The following XRCC5 variants were observed in gnomAD, a reference collection of about 807,000 sequenced individuals.
XRCC5 encodes X-ray repair cross complementing 5, also known as DNA repair protein Ku80.
In XRCC5, 12 loss-of-function variants were observed where a neutral mutation model predicts 95.7. The ratio of observed to expected loss-of-function variants is 0.13; its 90% CI spans 0.08 to 0.20. The LOEUF (loss-of-function observed/expected upper bound fraction) is 0.20. XRCC5 is among the 10% of genes least tolerant of loss of function. The pLI is 1.00. For synonymous variants in XRCC5, 281 were observed against 290.3 expected, an observed-to-expected ratio of 0.97 and a Z score of 0.33; for missense variants, 595 against 873.9, an observed-to-expected ratio of 0.68 and a Z score of 4.02.
intron 16 of XRCC5, among the ~76,000 whole-genome samples, chr2:216,189,795 A>G (rs946303652): frequency 2.6e-5 from 4 of 152,198 alleles, no homozygotes; most frequent in Non-Finnish European, 5.9e-5. Flanking sequence ...CTGTTCGACA[A>G]TTATCCTGAG....
chr2:216,174,382 T>C (rs1281437401), intron 16 of XRCC5, among the ~76,000 whole-genome samples: 1 of 152,244 alleles, frequency 6.6e-6, no homozygotes, highest in Non-Finnish European at 1.5e-5. Context: ...TGTTTCTTTA[T>C]AGTTAACTTT....
At chr2:216,165,128 A>T (rs1197348073) in intron 16 of XRCC5, among the ~76,000 whole-genome samples, 2 of 152,178 alleles carry the variant, frequency 1.3e-5, no homozygotes, top group East Asian at 1.9e-4. Flanking sequence ...ATTCAAACAC[A>T]TGTCTCTTTC....
intron 8 of XRCC5, among the ~76,000 whole-genome samples, chr2:216,130,125 A>T (rs1318896643): frequency 6.6e-6 from 1 of 152,246 alleles, no homozygotes; most frequent in East Asian, 1.9e-4. Flanking sequence ...CATTTGTCCA[A>T]GGCCAGAATC....
intron 16 of XRCC5, chr2:216,175,356 A>G (rs1282608093): frequency 2.1e-6 from 1 of 475,740 alleles, no homozygotes; most frequent in African/African-American, 2.0e-5. Context: ...CCACTTCCAG[A>G]GTTTCCTCCA....
intron 19 of XRCC5, 124 bp from the exon 20 acceptor site, chr2:216,204,198 C>T (rs561527946): frequency 1.2e-5 from 13 of 1,084,152 alleles, no homozygotes; most frequent in African/African-American, 1.1e-4. Flanking sequence ...TCTTTTGGGC[C>T]GTTGGCAGTG....
chr2:216,137,323 C>G, intron 11 of XRCC5, 98 bp downstream of exon 11: 1 of 1,371,742 alleles, frequency 7.3e-7, no homozygotes, highest in Non-Finnish European at 9.7e-7. Context: ...ACTTGGGGAT[C>G]TTGTTAAAAT....
intron 19 of XRCC5, 86 bp downstream of exon 19, chr2:216,195,072 G>A: frequency 7.8e-7 from 1 of 1,284,404 alleles, no homozygotes; most frequent in Non-Finnish European, 1.1e-6. Flanking sequence ...TAAATTTTAT[G>A]GGTAACTAAA....
intron 1 of XRCC5, among the ~76,000 whole-genome samples, chr2:216,111,145 C>T (rs1464318153): frequency 6.6e-6 from 1 of 152,112 alleles, no homozygotes. Context: ...CGTATGGAGT[C>T]GCATCAGTCT....
chr2:216,199,794 C>T (rs1422240836), intron 19 of XRCC5, among the ~76,000 whole-genome samples: 2 of 149,324 alleles, frequency 1.3e-5, no homozygotes, highest in Non-Finnish European at 3.0e-5. Flanking sequence ...AGGATTTATC[C>T]CCATGGCATT....
In XRCC5 at chr2:216,146,948, A is replaced by G. The variant is rs367805379; in HGVS notation, c.1477-1135A>G. On this transcript the variant is annotated intron_variant, in intron 13 of 20. Transcript: ENST00000392132. ...TGGTGCTTAGAATTCATTCAGCAGT[A>G]AAGAAGAGAAGAGCCCTACTTGTAA... Among the ~76,000 whole-genome samples, 8 of 152,220 alleles carry G rather than the reference A, an allele frequency of 5.3e-5. No individual in the cohort carries two copies. In the East Asian group the frequency reaches 5.8e-4, roughly 11 times the overall value.
chr2:216,165,672 G>A (rs1466721116), intron 16 of XRCC5, among the ~76,000 whole-genome samples: 1 of 152,188 alleles, frequency 6.6e-6, no homozygotes, highest in African/African-American at 2.4e-5. Flanking sequence ...TCTGTCCAGA[G>A]TCGGGAGACA....
chr2:216,172,062 A>T (rs1416844763), intron 16 of XRCC5, among the ~76,000 whole-genome samples: 1 of 152,214 alleles, frequency 6.6e-6, no homozygotes, highest in Non-Finnish European at 1.5e-5. Flanking sequence ...TTGCAAGGTG[A>T]TGCTGGCCTA....
At position 216,141,244 on chromosome 2, in the gene XRCC5, T is replaced by G; in HGVS notation, c.1401T>G (p.Asp467Glu). The G allele has an allele frequency of 6.2e-7, 1 of 1,614,138 alleles. No individual in the cohort carries two copies. Among genetic ancestry groups the G allele is most frequent in the Non-Finnish European group, 8.5e-7 (1 of 1,180,002 alleles). Reference protein sequence around the residue: ...LIDSMSLAKKDEKTDTLEDLF... With the variant: ...LIDSMSLAKKEEKTDTLEDLF... ...ACTCCATGAGCTTGGCAAAGAAAGA[T>G]GAGAAGACAGACACCCTTGAAGACT... Residue 467 changes from aspartate to glutamate, a missense_variant, in exon 13 of 21, where the codon GAT (aspartate) becomes GAG (glutamate). Physicochemically the swap from Asp to Glu is conservative, Grantham distance 45. Around this residue, in one of 2 missense-constraint regions of XRCC5, gnomAD observed 309 missense variants for 382.9 expected, o/e 0.81. Transcript: ENST00000392132.
At chr2:216,144,200 C>T (rs1697216713) in intron 13 of XRCC5, among the ~76,000 whole-genome samples, 2 of 152,048 alleles carry the variant, frequency 1.3e-5, no homozygotes, top group South Asian at 2.1e-4. Context: ...AGAACAAAGG[C>T]GGTGCATGTG....
At chr2:216,203,730 A>G (rs775089139) in intron 19 of XRCC5, among the ~76,000 whole-genome samples, 1 of 152,238 alleles carries the variant, frequency 6.6e-6, no homozygotes, top group Non-Finnish European at 1.5e-5. Flanking sequence ...AAAGATTTCC[A>G]TAAAAGGAAT....
At chr2:216,194,302 A>G (rs1689676233) in intron 18 of XRCC5, among the ~76,000 whole-genome samples, 1 of 152,238 alleles carries the variant, frequency 6.6e-6, no homozygotes, top group Non-Finnish European at 1.5e-5. Flanking sequence ...ACAGTTTCCA[A>G]CAACCTATTG....
intron 16 of XRCC5, among the ~76,000 whole-genome samples, chr2:216,172,242 G>C (rs1689177511): frequency 6.6e-6 from 1 of 152,104 alleles, no homozygotes; most frequent in Non-Finnish European, 1.5e-5. Context: ...AACATAATTA[G>C]ACAAGCTAGC....
At chr2:216,122,998 C>G (rs1156511763) in intron 6 of XRCC5, among the ~76,000 whole-genome samples, 4 of 152,174 alleles carry the variant, frequency 2.6e-5, no homozygotes, top group Non-Finnish European at 4.4e-5. Flanking sequence ...TCGGTGGCAT[C>G]TAGAATAGTG....
intron 14 of XRCC5, among the ~76,000 whole-genome samples, chr2:216,155,211 G>C (rs1287111108): frequency 1.5e-5 from 2 of 137,834 alleles, no homozygotes; most frequent in Non-Finnish European, 3.0e-5. Flanking sequence ...ACTCCAGCTT[G>C]GGCAACATAG....
Sources: allele counts gnomAD v4.1 joint callset (sites outside exome capture counted in the v4.1 genomes callset), GRCh38; gene constraint gnomAD v4.1.1; regional missense constraint gnomAD v4.1.1; transcripts MANE v1.5; gene names NCBI Gene and HGNC (gene_info 2026-07-23, HGNC 2026-07-21).